ZFYVE21: variants seen among roughly 807,000 people sequenced by gnomAD.
The protein encoded by ZFYVE21 is zinc finger FYVE-type containing 21, also known as zinc finger FYVE domain-containing protein 21.
In ZFYVE21, 21 loss-of-function variants were observed where a neutral mutation model predicts 29.5. The ratio of observed to expected loss-of-function variants is 0.71; its 90% CI spans 0.50 to 1.02. The LOEUF (loss-of-function observed/expected upper bound fraction) is 1.02, where lower values mean the gene tolerates loss of function less well. ZFYVE21 is among the 50% of genes least tolerant of loss of function. The pLI, the probability that ZFYVE21 is intolerant of heterozygous loss-of-function variation, is 0.00. For synonymous variants in ZFYVE21, 151 were observed against 133.8 expected, an observed-to-expected ratio of 1.13 and a Z score of -0.89; for missense variants, 326 against 335.4, an observed-to-expected ratio of 0.97 and a Z score of 0.22.
chr14:103,729,568 C>T, intron 5 of ZFYVE21: 2 of 611,558 alleles, frequency 3.3e-6, no homozygotes, highest in Non-Finnish European at 5.6e-6. Context: ...TTCAGCCCTC[C>T]TCCTGCAGGC....
chr14:103,725,246 T>C (rs2083912144), intron 1 of ZFYVE21: 1 of 152,254 alleles, frequency 6.6e-6, no homozygotes, highest in Admixed American at 6.5e-5. Context: ...CCAGCTGAGG[T>C]TTGGGAGTTC....
Position 103,733,001 on chromosome 14 carries a change from G to C in ZFYVE21, c.688G>C (p.Glu230Gln), listed in dbSNP as rs769920263. 1.9e-6 allele frequency: 3 copies of C among 1,614,136 alleles called. No individual in the cohort carries two copies. The South Asian group carries it at 3.3e-5, about 18-fold the overall frequency. The change falls in exon 7 of 7, where the codon GAA (glutamate) becomes CAA (glutamine). Residue 230 changes from glutamate to glutamine, a missense_variant. By Grantham distance (29) the Glu-to-Gln change is conservative (BLOSUM62 2). Coordinates refer to ENST00000311141, the MANE Select transcript of ZFYVE21 (RefSeq NM_024071.4). ...TCTGCAGGCTGCCAAGCTCCTCTAT[G>C]AATCTCGGGACCAGTAACTCTACGT... ...AMHKAAKLLY[E>Q]SRDQ
chr14:103,718,131 G>T (rs1434421570), intron 1 of ZFYVE21, among the ~76,000 whole-genome samples: 1 of 152,228 alleles, frequency 6.6e-6, no homozygotes, highest in Admixed American at 6.5e-5. Context: ...TTTATTTGAG[G>T]TGGTTTGGAA....
chr14:103,730,439 C>G (rs1276639799), intron 5 of ZFYVE21: 1 of 153,170 alleles, frequency 6.5e-6, no homozygotes, highest in Non-Finnish European at 1.5e-5. Flanking sequence ...CTCTGCCTGC[C>G]TCCTCCTGGG....
intron 1 of ZFYVE21, chr14:103,724,412 G>A (rs2083900854): frequency 6.6e-6 from 1 of 152,240 alleles, no homozygotes. Context: ...GAGCTCTGAG[G>A]CGGCTCTCGC....
At position 103,732,566 on chromosome 14, in the gene ZFYVE21, G is replaced by A. The variant is rs74085282; in HGVS notation, c.527-54G>A. The A allele has an allele frequency of 0.011, 16,017 of 1,508,074 alleles. 705 individuals carry two copies. In the African/African-American group the frequency reaches 0.13, roughly 12 times the overall value. The allele number at this position is 1,508,074 out of a possible 1,614,324, so 93.4% of individuals were successfully genotyped here. On this transcript the variant is annotated intron_variant, in intron 5 of 6. Coordinates refer to ENST00000311141, the MANE Select transcript of ZFYVE21 (RefSeq NM_024071.4). ...GGCCACCGCCTTGGGGCTGGTGGCC[G>A]CCTGGGCACTCAGGGCCTCCTTTGG...
chr14:103,729,819 C>T (rs1567071804), intron 5 of ZFYVE21: 2 of 1,536,264 alleles, frequency 1.3e-6, no homozygotes. Flanking sequence ...TTACACCAGC[C>T]TCCGGGGGAG....
chr14:103,720,910 C>T (rs908760126), intron 1 of ZFYVE21, among the ~76,000 whole-genome samples: 22 of 152,188 alleles, frequency 1.4e-4, no homozygotes, highest in African/African-American at 4.8e-4. Context: ...TCAGCCTTCA[C>T]CTCCCGGGTT....
At chr14:103,722,130 G>A (rs1226644388) in intron 1 of ZFYVE21, among the ~76,000 whole-genome samples, 2 of 152,210 alleles carry the variant, frequency 1.3e-5, no homozygotes, top group Non-Finnish European at 2.9e-5. Flanking sequence ...TACTGGCGGG[G>A]TAGGTATTTG....
intron 1 of ZFYVE21, among the ~76,000 whole-genome samples, chr14:103,717,113 C>T (rs2083830458): frequency 6.6e-6 from 1 of 152,072 alleles, no homozygotes; most frequent in South Asian, 2.1e-4. Context: ...GGGGACAGGA[C>T]GGAATTCGAG....
chr14:103,727,632 C>G lies in ZFYVE21; in HGVS notation c.190-114C>G, dbSNP rs1216142425. 5 of 1,399,168 alleles carry G rather than the reference C, an allele frequency of 3.6e-6. No homozygotes were observed. The African/African-American group carries it at 7.1e-5, about 20-fold the overall frequency. The allele number at this position is 1,399,168 out of a possible 1,614,324, so 86.7% of individuals were successfully genotyped here. ...GGAGGTGCGCGTGTGCAGCGGCCGG[C>G]ACAGGGGCCTCGCGTTTAGGCGTGG... On this transcript the variant is annotated intron_variant, in intron 2 of 6. Transcript: ENST00000311141.
chr14:103,719,655 G>T (rs776012047), intron 1 of ZFYVE21, among the ~76,000 whole-genome samples: 6 of 151,798 alleles, frequency 4.0e-5, no homozygotes, highest in South Asian at 4.2e-4. Context: ...ACTGCAGGGT[G>T]GGGGGTTTCA....
intron 2 of ZFYVE21, chr14:103,727,050 A>G: frequency 5.7e-6 from 3 of 526,000 alleles, no homozygotes; most frequent in Non-Finnish European, 1.0e-5. Flanking sequence ...GGTTCAAGTG[A>G]TTCTCCTGCC....
At chr14:103,720,479 G>C (rs1215227363) in intron 1 of ZFYVE21, among the ~76,000 whole-genome samples, 2 of 152,176 alleles carry the variant, frequency 1.3e-5, no homozygotes, top group African/African-American at 4.8e-5. Context: ...GTGCGTGGTG[G>C]GGCCTGATGT....
At position 103,732,612 on chromosome 14, in the gene ZFYVE21, T is replaced by C. The variant is rs754057506; in HGVS notation, c.527-8T>C. The C allele has an allele frequency of 7.7e-6, 12 of 1,560,510 alleles. No individual in the cohort carries two copies. Among genetic ancestry groups the C allele is most frequent in the Middle Eastern group, 1.7e-4 (1 of 5,890 alleles). ...TTTGGGCCGTCTTACCTCGTCTCTC[T>C]CCTCCAGGAGGCAACGCACGGGCCA... On this transcript the variant is annotated splice_region_variant and splice_polypyrimidine_tract_variant and intron_variant, in intron 5 of 6. Coordinates refer to ENST00000311141, the MANE Select transcript of ZFYVE21 (RefSeq NM_024071.4).
chr14:103,731,949 A>C (rs1427762918), intron 5 of ZFYVE21: 1 of 152,272 alleles, frequency 6.6e-6, no homozygotes, highest in African/African-American at 2.4e-5. Flanking sequence ...TTGTCACTGG[A>C]ACAGCTGGTC....
rs760642007 is a variant in ZFYVE21 at position 103,727,857 on chromosome 14, C to T, written c.301C>T (p.Leu101Phe). Residue 101 changes from leucine to phenylalanine, a missense_variant, in exon 3 of 7, where the codon CTC becomes TTC. By Grantham distance (22) the Leu-to-Phe change is conservative. Transcript: ENST00000311141. ...DPVRQCAECALVSLKEAEFYD... is the reference protein window; with the variant it reads ...DPVRQCAECAFVSLKEAEFYD... Reference sequence around the variant, plus strand: ...CGTGCGGCAGTGCGCGGAGTGCGCCCTCGTGTCCCTCAAGGAGGCGGAGTT... The same window carrying T: ...CGTGCGGCAGTGCGCGGAGTGCGCCTTCGTGTCCCTCAAGGAGGCGGAGTT... 11 of 1,613,158 alleles carry T rather than the reference C, an allele frequency of 6.8e-6. No individual in the cohort carries two copies. Among genetic ancestry groups the T allele is most frequent in the Non-Finnish European group, 7.6e-6 (9 of 1,179,922 alleles).
At chr14:103,729,329 C>A in intron 5 of ZFYVE21, 147 bp downstream of exon 5, 1 of 730,716 alleles carries the variant, frequency 1.4e-6, no homozygotes, top group Non-Finnish European at 2.2e-6. Context: ...TCCTCTTTCG[C>A]GGGGCGTGTA....
rs753443027 is a variant in ZFYVE21, at chr14:103,732,657, T to C, written c.564T>C (p.Tyr188=). ...NARATGMFLQ[Y]TVPGTEGVTQ... is the part of the protein sequence containing the mutation. ...GGGCCACAGGCATGTTCCTGCAGTA[T>C]ACAGTGCCGGGGACGGAGGGTGTGA... The change falls in exon 6 of 7, where the codon TAT becomes TAC. Residue 188 remains tyrosine (Y), a synonymous_variant. Coordinates refer to ENST00000311141, the MANE Select transcript of ZFYVE21 (RefSeq NM_024071.4). 1.4e-5 allele frequency: 22 copies of C among 1,610,344 alleles called. No individual in the cohort carries two copies. Among genetic ancestry groups the C allele is most frequent in the African/African-American group, 2.7e-5 (2 of 74,660 alleles).
Sources: allele counts gnomAD v4.1 joint callset (sites outside exome capture counted in the v4.1 genomes callset), GRCh38; gene constraint gnomAD v4.1.1; transcripts MANE v1.5; gene names NCBI Gene and HGNC (gene_info 2026-07-23, HGNC 2026-07-21).